Variants in MMP16 observed in about 807,000 individuals in gnomAD.
MMP16 encodes the protein matrix metalloproteinase-16.
Under a neutral mutation model 67.8 loss-of-function variants are expected in MMP16, and 12 were observed. That is an observed-to-expected ratio of 0.18 (90% confidence interval 0.11 to 0.29). MMP16 has a LOEUF of 0.29. MMP16 is among the 10% of genes least tolerant of loss of function. The pLI is 1.00. For missense variants in MMP16, 475 were observed against 765.7 expected, an observed-to-expected ratio of 0.62 and a Z score of 4.48; for synonymous variants, 249 against 255.9, an observed-to-expected ratio of 0.97 and a Z score of 0.26.
In MMP16 at chr8:88,161,802, G is replaced by A. The variant is rs760546969; in HGVS notation, c.709+5867C>T. Among the ~76,000 whole-genome samples the A allele has an allele frequency of 6.1e-4, 92 of 151,928 alleles. 1 individual carries two copies. The highest frequency in any genetic ancestry group is 1.8e-3 in the African/African-American group (76 of 41,382). On this transcript the variant is annotated intron_variant, in intron 4 of 9. Coordinates refer to ENST00000286614, the MANE Select transcript of MMP16 (RefSeq NM_005941.5). ...ACATCTTTATTTCTGCCTTCATTTCGTTATGCACCCAATAGTCACTATTCA... is the reference window on the plus strand; with the variant it reads ...ACATCTTTATTTCTGCCTTCATTTCATTATGCACCCAATAGTCACTATTCA...
At chr8:88,238,766 C>T (rs1048689105) in intron 1 of MMP16, among the ~76,000 whole-genome samples, 1 of 150,054 alleles carries the variant, frequency 6.7e-6, no homozygotes, top group South Asian at 2.1e-4. Flanking sequence ...AACTTTGAGG[C>T]ATATGTAAAA....
chr8:88,198,989 T>C (rs1809299395), intron 1 of MMP16, among the ~76,000 whole-genome samples: 1 of 152,112 alleles, frequency 6.6e-6, no homozygotes, highest in Non-Finnish European at 1.5e-5. Context: ...TCAATACCTA[T>C]TGTTAACGTA....
intron 7 of MMP16, among the ~76,000 whole-genome samples, chr8:88,060,126 A>G (rs1321680368): frequency 6.6e-6 from 1 of 152,026 alleles, no homozygotes; most frequent in Non-Finnish European, 1.5e-5. Flanking sequence ...AATTAACCTT[A>G]CTGGGTTTAT....
rs188443478 is a variant in MMP16 at position 88,043,063 on chromosome 8, A to T, written c.1490-1268T>A. 1.3e-3 allele frequency among the ~76,000 whole-genome samples: 197 copies of T among 152,340 alleles called. 1 individual carries two copies. Among genetic ancestry groups the T allele is most frequent in the South Asian group, 1.4e-3 (7 of 4,830 alleles). On this transcript the variant is annotated intron_variant, in intron 9 of 9. Coordinates refer to ENST00000286614, the MANE Select transcript of MMP16 (RefSeq NM_005941.5). The stretch of plus-strand genomic sequence containing the variant: ...TTTCCTGTTTTATTGAGGACTTATT[A>T]TGGAAGAAGCATTGGGTTAAAGTTT...
intron 1 of MMP16, among the ~76,000 whole-genome samples, chr8:88,319,777 T>C (rs1478297987): frequency 6.6e-6 from 1 of 152,160 alleles, no homozygotes; most frequent in African/African-American, 2.4e-5. Flanking sequence ...TTATTCCTCC[T>C]TAACTTAAAC....
intron 4 of MMP16, among the ~76,000 whole-genome samples, chr8:88,162,274 A>G (rs2129685970): frequency 6.6e-6 from 1 of 152,132 alleles, no homozygotes; most frequent in East Asian, 1.9e-4. Context: ...ACTTTTGATT[A>G]CCAGTGTTGT....
intron 6 of MMP16, among the ~76,000 whole-genome samples, chr8:88,084,942 ACATC>A (rs768081101): frequency 2.6e-5 from 4 of 152,010 alleles, no homozygotes; most frequent in Non-Finnish European, 4.4e-5. Flanking sequence ...GCTGCAACCA[ACATC>A]TTTGTTCATT....
At chr8:88,213,209 T>C (rs1055085966) in intron 1 of MMP16, among the ~76,000 whole-genome samples, 1 of 152,116 alleles carries the variant, frequency 6.6e-6, no homozygotes, top group Non-Finnish European at 1.5e-5. Flanking sequence ...TAAACACTGT[T>C]AAGATCCTCC....
chr8:88,170,512 G>A (rs1025363268), intron 3 of MMP16, among the ~76,000 whole-genome samples: 24 of 152,040 alleles, frequency 1.6e-4, no homozygotes, highest in African/African-American at 5.3e-4. Flanking sequence ...CCTCATTAGC[G>A]GGCTGATATT....
At chr8:88,207,086 T>G (rs942003830) in intron 1 of MMP16, among the ~76,000 whole-genome samples, 1 of 152,320 alleles carries the variant, frequency 6.6e-6, no homozygotes, top group South Asian at 2.1e-4. Context: ...TTTAGATATG[T>G]CATGAATGTA....
chr8:88,215,461 A>C (rs1809577335), intron 1 of MMP16, among the ~76,000 whole-genome samples: 1 of 152,182 alleles, frequency 6.6e-6, no homozygotes, highest in Non-Finnish European at 1.5e-5. Flanking sequence ...ACTACCCAGG[A>C]TCCCTTGCCA....
At chr8:88,055,098 T>A (rs906203872) in intron 8 of MMP16, among the ~76,000 whole-genome samples, 1 of 152,128 alleles carries the variant, frequency 6.6e-6, no homozygotes, top group African/African-American at 2.4e-5. Flanking sequence ...TTTATTTAAA[T>A]TAATACAAAT....
chr8:88,245,855 T>A (rs1478378440), intron 1 of MMP16, among the ~76,000 whole-genome samples: 1 of 152,204 alleles, frequency 6.6e-6, no homozygotes, highest in Non-Finnish European at 1.5e-5. Flanking sequence ...AGCACCCTTT[T>A]TCAAATAATC....
intron 1 of MMP16, among the ~76,000 whole-genome samples, chr8:88,315,595 T>A (rs1811364452): frequency 6.6e-6 from 1 of 152,156 alleles, no homozygotes; most frequent in Non-Finnish European, 1.5e-5. Context: ...GATGCCAAAC[T>A]TAGTAACTAA....
intron 4 of MMP16, among the ~76,000 whole-genome samples, chr8:88,135,503 G>A (rs960796883): frequency 6.6e-6 from 1 of 151,758 alleles, no homozygotes; most frequent in Non-Finnish European, 1.5e-5. Flanking sequence ...TTTTGTTGTG[G>A]GACTGAGTCT....
intron 1 of MMP16, among the ~76,000 whole-genome samples, chr8:88,255,093 G>A (rs530506688): frequency 6.6e-6 from 1 of 152,278 alleles, no homozygotes; most frequent in South Asian, 2.1e-4. Context: ...GTTGAAATGT[G>A]ATTCCTAATA....
Position 88,327,402 on chromosome 8 carries a change from G to A in MMP16, c.-196C>T, listed in dbSNP as rs1017287875. The A allele has an allele frequency of 8.6e-6, 5 of 578,912 alleles. No individual in the cohort carries two copies. Among genetic ancestry groups the A allele is most frequent in the Non-Finnish European group, 1.5e-5 (5 of 328,898 alleles). The allele number at this position is 578,912 out of a possible 1,614,324, so 35.9% of individuals were successfully genotyped here. A position where few individuals can be genotyped will look rare whatever the true frequency, so the allele number is the denominator to read the frequency against. ...CCCCGAGAGGCAGCGGCGAAGACAGGGTCAGCAGTAGTTCCTGTTCACCAT... is the reference window on the plus strand; with the variant it reads ...CCCCGAGAGGCAGCGGCGAAGACAGAGTCAGCAGTAGTTCCTGTTCACCAT... On this transcript the variant is annotated 5_prime_UTR_variant, in exon 1 of 10. Transcript: ENST00000286614.
intron 1 of MMP16, among the ~76,000 whole-genome samples, chr8:88,240,086 G>A (rs1810011144): frequency 2.6e-5 from 4 of 152,136 alleles, no homozygotes. Context: ...GTTGGGAAGA[G>A]CTGTTGAAAG....
At chr8:88,105,444 C>T (rs1258777327) in intron 6 of MMP16, among the ~76,000 whole-genome samples, 1 of 151,456 alleles carries the variant, frequency 6.6e-6, no homozygotes, top group Non-Finnish European at 1.5e-5. Flanking sequence ...GACTCATTTG[C>T]TATTCATACT....
Sources: gnomAD v4.1 joint callset for allele counts (sites outside exome capture counted in the v4.1 genomes callset) on GRCh38, gnomAD v4.1.1 for gene constraint, MANE v1.5 for transcripts, NCBI Gene and HGNC (gene_info 2026-07-23, HGNC 2026-07-21) for gene names.